The following KCNN2 variants were observed in gnomAD, a reference collection of about 807,000 sequenced individuals.
KCNN2 encodes the protein small conductance calcium-activated potassium channel protein 2.
A neutral mutation model predicts 55.5 loss-of-function variants in KCNN2; 24 were observed. The observed-to-expected ratio is 0.43, with a 90% confidence interval of 0.31 to 0.61. KCNN2 has a LOEUF of 0.61. Ranked by LOEUF, KCNN2 falls within the 20% of genes least tolerant of loss-of-function variation. The pLI is 0.08. For missense variants in KCNN2, 754 were observed against 853.6 expected (o/e 0.88, Z 1.45); for synonymous variants, 431 against 336.1 (o/e 1.28, Z -3.09).
At chr5:114,356,536 A>G (rs1041575785) in intron 2 of KCNN2, among the ~76,000 whole-genome samples, 2 of 152,142 alleles carry the variant, frequency 1.3e-5, no homozygotes, top group African/African-American at 2.4e-5. Flanking sequence ...TTTTGCTGGC[A>G]TTGCAGAGAC....
rs1309590184 is a variant in KCNN2 at position 114,449,908 on chromosome 5, A to ACACACACACACACGCGCG, written c.1638-13140_1638-13139insACACACACACACGCGCGC. The stretch of plus-strand genomic sequence containing the variant: ...CACACACACACACACACACACACAC[A>ACACACACACACACGCGCG]CGCGCGCGCTCGCGTGCGCGCACTC... On this transcript the variant is annotated intron_variant, in intron 3 of 7. Coordinates refer to ENST00000673685, the MANE Select transcript of KCNN2 (RefSeq NM_021614.4). Among the ~76,000 whole-genome samples the ACACACACACACACGCGCG allele has an allele frequency of 1.6e-3, 106 of 66,144 alleles. No individual in the cohort carries two copies. The South Asian group carries it at 0.021, about 13-fold the overall frequency. The allele number at this position is 66,144 out of a possible 152,430, so 43.4% of individuals were successfully genotyped here.
intron 1 of KCNN2, among the ~76,000 whole-genome samples, chr5:114,145,738 G>A (rs1752386201): frequency 6.6e-6 from 1 of 152,062 alleles, no homozygotes; most frequent in Non-Finnish European, 1.5e-5. Flanking sequence ...ATAAGAGGAG[G>A]AAAAGGAATA....
chr5:114,132,450 A>G (rs1489550481), intron 1 of KCNN2, among the ~76,000 whole-genome samples: 1 of 152,114 alleles, frequency 6.6e-6, no homozygotes, highest in Non-Finnish European at 1.5e-5. Flanking sequence ...TAGATGGGCT[A>G]TCTTATTTCT....
intron 2 of KCNN2, among the ~76,000 whole-genome samples, chr5:114,290,452 T>C (rs535131226): frequency 6.6e-6 from 1 of 152,284 alleles, no homozygotes; most frequent in African/African-American, 2.4e-5. Flanking sequence ...CCAGCTTTCA[T>C]TTCTGAATTT....
chr5:114,173,273 G>C (rs940034735), intron 1 of KCNN2, among the ~76,000 whole-genome samples: 1 of 151,674 alleles, frequency 6.6e-6, no homozygotes, highest in African/African-American at 2.4e-5. Context: ...TTCTCTATTC[G>C]GTTCCATTGA....
At chr5:114,407,150 C>G (rs1245113369) in intron 3 of KCNN2, among the ~76,000 whole-genome samples, 2 of 151,958 alleles carry the variant, frequency 1.3e-5, no homozygotes, top group African/African-American at 4.8e-5. Flanking sequence ...GTACTGGGAA[C>G]TTGGTGGACC....
At chr5:114,436,491 C>T (rs1381195693) in intron 3 of KCNN2, among the ~76,000 whole-genome samples, 2 of 152,106 alleles carry the variant, frequency 1.3e-5, no homozygotes, top group African/African-American at 4.8e-5. Flanking sequence ...TGAATAAGGC[C>T]TTAGAAAATC....
chr5:114,234,634 G>T (rs1044625077), intron 2 of KCNN2, among the ~76,000 whole-genome samples: 1 of 151,512 alleles, frequency 6.6e-6, no homozygotes, highest in Non-Finnish European at 1.5e-5. Context: ...CTTCCTTCAC[G>T]GTTGTTGAGA....
intron 2 of KCNN2, among the ~76,000 whole-genome samples, chr5:114,228,086 GA>G (rs1296216877): frequency 6.6e-6 from 1 of 152,024 alleles, no homozygotes; most frequent in Non-Finnish European, 1.5e-5. Flanking sequence ...TCCCATTGAT[GA>G]ATGCTTATAA....
intron 1 of KCNN2, among the ~76,000 whole-genome samples, chr5:114,084,916 T>A (rs1351058503): frequency 2.0e-5 from 3 of 151,986 alleles, no homozygotes; most frequent in Non-Finnish European, 2.9e-5. Flanking sequence ...TAAAAGATTG[T>A]CTTCTCCTTT....
At chr5:114,493,576 TAATA>T in intron 7 of KCNN2, 104 bp downstream of exon 7, 1 of 785,844 alleles carries the variant, frequency 1.3e-6, no homozygotes, top group Non-Finnish European at 2.2e-6. Flanking sequence ...CAAATCTAAT[TAATA>T]AATCAAACCA....
chr5:114,323,344 A>G (rs957561223), intron 2 of KCNN2, among the ~76,000 whole-genome samples: 1 of 152,296 alleles, frequency 6.6e-6, no homozygotes. Context: ...GTGTTTTCTC[A>G]TCTATAAATT....
In KCNN2 at chr5:114,390,603, A is replaced by G. The variant is rs337693; in HGVS notation, c.1219-13835A>G. On this transcript the variant is annotated intron_variant, in intron 2 of 7. Coordinates refer to ENST00000673685, the MANE Select transcript of KCNN2 (RefSeq NM_021614.4). ...TTAACAAATGATGAAACTGGAGCTC[A>G]AAAAGTTTAAGTAACTTTTCTGCAG... Among the ~76,000 whole-genome samples, 491 of 152,250 alleles carry G rather than the reference A, an allele frequency of 3.2e-3. 3 individuals are homozygous for G. The highest frequency in any genetic ancestry group is 0.011 in the African/African-American group (444 of 41,558).
At chr5:114,220,825 C>CAAAAAA (rs11311434) in intron 1 of KCNN2, among the ~76,000 whole-genome samples, 1 of 91,898 alleles carries the variant, frequency 1.1e-5, no homozygotes, top group African/African-American at 4.0e-5. Context: ...GACTCCATCT[C>CAAAAAA]AAAAAAAAAA....
At chr5:114,409,783 T>A (rs1268280989) in intron 3 of KCNN2, among the ~76,000 whole-genome samples, 6 of 152,212 alleles carry the variant, frequency 3.9e-5, no homozygotes. Context: ...GAGAGCATCC[T>A]ATGGGAGGCA....
rs181009311 is a variant in KCNN2 at position 114,058,616 on chromosome 5, G to A, written c.-271+2116G>A. 3.4e-3 allele frequency among the ~76,000 whole-genome samples: 524 copies of A among 152,258 alleles called. 1 individual carries two copies. Among genetic ancestry groups the A allele is most frequent in the Non-Finnish European group, 5.5e-3 (373 of 68,022 alleles). On this transcript the variant is annotated intron_variant, in intron 1 of 10. Transcript: ENST00000512097. ...AAGGAATGCAGACACTTTTGTCAGG[G>A]GGAGGGCTCTACCAGGAGAAAGAAG...
intron 2 of KCNN2, among the ~76,000 whole-genome samples, chr5:114,244,949 A>G (rs1037441643): frequency 1.3e-5 from 2 of 152,114 alleles, no homozygotes; most frequent in African/African-American, 4.8e-5. Context: ...TGCAGGTGAA[A>G]CTCTTCCACA....
rs558024711 is a variant in KCNN2 at position 114,282,442 on chromosome 5, G to A, written c.-185+60877G>A. ...TATAATCAAGCTAGACATTATGAAT[G>A]TCTTTTTAAGTTTTTGCTATTACTT... On this transcript the variant is annotated intron_variant, in intron 2 of 10. Coordinates refer to the KCNN2 transcript ENST00000512097. Among the ~76,000 whole-genome samples the A allele has an allele frequency of 1.2e-4, 19 of 152,152 alleles. No individual in the cohort carries two copies. In the South Asian group the frequency reaches 3.7e-3, roughly 30 times the overall value.
chr5:114,315,200 G>T (rs1756475981), intron 2 of KCNN2, among the ~76,000 whole-genome samples: 1 of 152,062 alleles, frequency 6.6e-6, no homozygotes, highest in African/African-American at 2.4e-5. Context: ...TGTGTTGTGG[G>T]TTATGTTTCT....
Sources: gnomAD v4.1 joint callset for allele counts (sites outside exome capture counted in the v4.1 genomes callset) on GRCh38, gnomAD v4.1.1 for gene constraint, MANE v1.5 for transcripts, NCBI Gene and HGNC (gene_info 2026-07-23, HGNC 2026-07-21) for gene names.